PLAC1: variants seen among roughly 807,000 people sequenced by gnomAD.
PLAC1 encodes placenta-specific protein 1.
For missense variants in PLAC1, 136 were observed against 163.2 expected (o/e 0.83, Z 0.91); for synonymous variants, 68 against 62.1 (o/e 1.09, Z -0.44).
intron 1 of PLAC1, among the ~76,000 whole-genome samples, chrX:134,655,252 A>G (rs142825891): frequency 9.1e-6 from 1 of 110,483 alleles, no homozygotes; most frequent in African/African-American, 3.3e-5. Context: ...AACAATGAAC[A>G]TACATATAAC....
intron 2 of PLAC1, among the ~76,000 whole-genome samples, chrX:134,701,756 G>T (rs753114081): frequency 8.9e-6 from 1 of 112,313 alleles, no homozygotes; most frequent in Admixed American, 9.4e-5. Flanking sequence ...AGTGGCTCAC[G>T]CCTGTAATCC....
chrX:134,642,044 G>T (rs1012726579), intron 1 of PLAC1, among the ~76,000 whole-genome samples: 3 of 111,938 alleles, frequency 2.7e-5, no homozygotes, highest in African/African-American at 9.7e-5. Context: ...GCAGGAAGCT[G>T]CTTTGAAATA....
chrX:134,577,399 T>C (rs770325520), intron 2 of PLAC1, among the ~76,000 whole-genome samples: 129 of 111,764 alleles, frequency 1.2e-3, no homozygotes, highest in South Asian at 0.011. Context: ...CTAGAGTAGA[T>C]GATCTTTGGC....
At chrX:134,696,940 GA>G (rs1212840676) in intron 2 of PLAC1, among the ~76,000 whole-genome samples, 1 of 108,258 alleles carries the variant, frequency 9.2e-6, no homozygotes, top group Non-Finnish European at 1.9e-5. Flanking sequence ...GCTGACACAG[GA>G]AGAATGGCGT....
intron 2 of PLAC1, among the ~76,000 whole-genome samples, chrX:134,733,064 T>C (rs28626951): frequency 9.0e-6 from 1 of 111,261 alleles, no homozygotes; most frequent in Non-Finnish European, 1.9e-5. Context: ...GTACACACAC[T>C]CACACACCCC....
At chrX:134,738,028 C>T (rs2078707562) in intron 1 of PLAC1, among the ~76,000 whole-genome samples, 1 of 111,594 alleles carries the variant, frequency 9.0e-6, no homozygotes, top group Admixed American at 9.5e-5. Context: ...CAGTTATCCT[C>T]ACACCAGTGC....
chrX:134,674,619 C>T (rs1690469795), intron 2 of PLAC1, among the ~76,000 whole-genome samples: 1 of 112,545 alleles, frequency 8.9e-6, no homozygotes. Flanking sequence ...CTGTAGAAAA[C>T]AAACATCAAC....
chrX:134,609,258 T>C (rs754835144), intron 1 of PLAC1, among the ~76,000 whole-genome samples: 1 of 111,543 alleles, frequency 9.0e-6, no homozygotes, highest in African/African-American at 3.3e-5. Context: ...GCCCCTCTTA[T>C]ATCTGTTCAT....
chrX:134,719,962 C>A (rs948467369), intron 2 of PLAC1, among the ~76,000 whole-genome samples: 1 of 111,649 alleles, frequency 9.0e-6, no homozygotes, highest in Admixed American at 9.5e-5. Context: ...TCCACTCTTA[C>A]CACTTCTATT....
intron 2 of PLAC1, among the ~76,000 whole-genome samples, chrX:134,726,695 C>T (rs756588190): frequency 1.8e-5 from 2 of 108,419 alleles, no homozygotes; most frequent in Non-Finnish European, 3.8e-5. Context: ...TGGTGGCATG[C>T]GCCTGTAGTC....
intron 2 of PLAC1, among the ~76,000 whole-genome samples, chrX:134,697,469 G>T (rs2078568613): frequency 8.9e-6 from 1 of 112,095 alleles, no homozygotes; most frequent in South Asian, 3.7e-4. Flanking sequence ...TCATTCATTC[G>T]TTCATTCATT....
At chrX:134,682,843 AC>A (rs1244187402) in intron 2 of PLAC1, among the ~76,000 whole-genome samples, 1 of 111,576 alleles carries the variant, frequency 9.0e-6, no homozygotes. Flanking sequence ...GGCATGAGCC[AC>A]CATGCCCGGC....
intron 1 of PLAC1, among the ~76,000 whole-genome samples, chrX:134,754,763 T>TC (rs1160868876): frequency 3.0e-5 from 3 of 101,171 alleles, no homozygotes; most frequent in African/African-American, 1.1e-4. Context: ...TTGTTCTTTT[T>TC]TTTTTTTTTT....
Position 134,678,444 on chromosome X carries a change from T to C in PLAC1, n.174+54991A>G, listed in dbSNP as rs924187050. Among the ~76,000 whole-genome samples the C allele has an allele frequency of 2.7e-5, 3 of 111,751 alleles. No homozygotes were observed. The Admixed American group carries it at 2.9e-4, about 11-fold the overall frequency. On this transcript the variant is annotated intron_variant and non_coding_transcript_variant, in intron 2 of 2. Coordinates refer to the PLAC1 transcript ENST00000466797. ...ACCTTCCCATGTCTGGTTCCAGTGC[T>C]TCGGTTCTCTACCTGAACATCACCT...
In PLAC1 at chrX:134,579,191, C is replaced by A. The variant is rs190184552; in HGVS notation, c.-58-12451G>T. Among the ~76,000 whole-genome samples, 26 of 110,617 alleles carry A rather than the reference C, an allele frequency of 2.4e-4. No homozygotes were observed. The East Asian group carries it at 7.2e-3, about 31-fold the overall frequency. On this transcript the variant is annotated intron_variant, in intron 2 of 2. Transcript: ENST00000359237. ...GAATGCACTCCCTCCTGTTATCCCTCTTGATCCTTGCAGCTCTCCTGTAAG... is the reference window on the plus strand; with the variant it reads ...GAATGCACTCCCTCCTGTTATCCCTATTGATCCTTGCAGCTCTCCTGTAAG...
At chrX:134,625,923 G>A (rs1331112100) in intron 1 of PLAC1, among the ~76,000 whole-genome samples, 2 of 110,961 alleles carry the variant, frequency 1.8e-5, no homozygotes, top group Non-Finnish European at 3.8e-5. Flanking sequence ...AAACTCGCAG[G>A]CTATCACCAT....
intron 2 of PLAC1, among the ~76,000 whole-genome samples, chrX:134,673,026 T>C (rs1337187048): frequency 8.9e-6 from 1 of 112,381 alleles, no homozygotes; most frequent in Non-Finnish European, 1.9e-5. Context: ...GTAATAGCCA[T>C]TTTGGAGAAT....
At chrX:134,598,240 G>A (rs1360971854) in intron 2 of PLAC1, among the ~76,000 whole-genome samples, 2 of 111,787 alleles carry the variant, frequency 1.8e-5, no homozygotes, top group East Asian at 2.8e-4. Flanking sequence ...GATCATACTC[G>A]TGTAGCTTGT....
At chrX:134,571,120 G>A (rs1225510951) in intron 2 of PLAC1, among the ~76,000 whole-genome samples, 1 of 111,740 alleles carries the variant, frequency 8.9e-6, no homozygotes, top group African/African-American at 3.3e-5. Context: ...TAGACAGGAA[G>A]AGAATGGATT....
Sources: gnomAD v4.1 joint callset for allele counts (sites outside exome capture counted in the v4.1 genomes callset) on GRCh38, gnomAD v4.1.1 for gene constraint, MANE v1.5 for transcripts, NCBI Gene and HGNC (gene_info 2026-07-23, HGNC 2026-07-21) for gene names.